The following EVL variants were observed in gnomAD, a reference collection of about 807,000 sequenced individuals.
EVL encodes Enah/Vasp-like, also known as ena/VASP-like protein.
A neutral mutation model predicts 59.6 loss-of-function variants in EVL; 21 were observed. That is an observed-to-expected ratio of 0.35 (90% CI 0.25 to 0.51). The LOEUF (loss-of-function observed/expected upper bound fraction) is 0.51, where lower values mean the gene tolerates loss of function less well. Among genes scored for constraint, EVL ranks in the 20% least tolerant of loss-of-function variants. The pLI, the probability that EVL is intolerant of heterozygous loss-of-function variation, is 0.97. For synonymous variants in EVL, 198 were observed against 203.5 expected (o/e 0.97, Z 0.23); for missense variants, 462 against 546.6 (o/e 0.85, Z 1.54).
At chr14:100,055,839 G>T (rs751573202) in intron 1 of EVL, among the ~76,000 whole-genome samples, 5 of 131,580 alleles carry the variant, frequency 3.8e-5, no homozygotes, top group Non-Finnish European at 6.3e-5. Flanking sequence ...TGGAGACGGA[G>T]TCTTGCTCTG....
chr14:100,025,876 C>T (rs548787393), intron 1 of EVL, among the ~76,000 whole-genome samples: 20 of 152,190 alleles, frequency 1.3e-4, no homozygotes, highest in African/African-American at 4.6e-4. Flanking sequence ...GCAGAGGTTA[C>T]GGTGAGCCGA....
chr14:100,006,012 C>G (rs1276843657), intron 1 of EVL, among the ~76,000 whole-genome samples: 2 of 121,722 alleles, frequency 1.6e-5, no homozygotes, highest in African/African-American at 3.3e-5. Flanking sequence ...GGCCATTTCC[C>G]CCCCCCCCCC....
chr14:100,073,922 A>T (rs972040229), intron 1 of EVL, among the ~76,000 whole-genome samples: 1 of 151,496 alleles, frequency 6.6e-6, no homozygotes, highest in Non-Finnish European at 1.5e-5. Flanking sequence ...TTCTGCAGAA[A>T]AGCTAAGCAG....
At chr14:100,064,851 G>A (rs188106133), upstream of EVL, among the ~76,000 whole-genome samples, 23 of 152,282 alleles carry the variant, frequency 1.5e-4, no homozygotes, top group South Asian at 1.2e-3. Flanking sequence ...CTGTGGTGGC[G>A]GTGAGCCAAG....
At chr14:100,119,123 C>T (rs1887535354) in intron 3 of EVL, among the ~76,000 whole-genome samples, 1 of 152,234 alleles carries the variant, frequency 6.6e-6, no homozygotes, top group Non-Finnish European at 1.5e-5. Flanking sequence ...GCCCAGCCAC[C>T]CTGCTCTTGT....
At position 100,123,569 on chromosome 14, in the gene EVL, G is replaced by A; in HGVS notation, c.389G>A (p.Gly130Asp). The A allele has an allele frequency of 6.2e-7, 1 of 1,614,136 alleles. No homozygotes were observed. Among genetic ancestry groups the A allele is most frequent in the Non-Finnish European group, 8.5e-7 (1 of 1,180,016 alleles). ...TCCAGCCAGCGTCAGGTGCAGAATG[G>A]CCCCTCTCCTGATGAGATGGACATC... ...GPSSQRQVQN[G>D]PSPDEMDIQR... The change falls in exon 4 of 14, where the codon GGC (glycine) becomes GAC (aspartate). Residue 130 changes from glycine (G) to aspartate (D), a missense_variant. Transcript: ENST00000392920.
intron 2 of EVL, among the ~76,000 whole-genome samples, chr14:100,085,912 G>C (rs534071953): frequency 3.5e-4 from 54 of 152,312 alleles, no homozygotes; most frequent in Middle Eastern, 3.4e-3. Flanking sequence ...TGGATTACAA[G>C]GTCAGGAGTT....
intron 1 of EVL, among the ~76,000 whole-genome samples, chr14:100,015,418 T>C (rs1292614506): frequency 6.6e-6 from 1 of 152,218 alleles, no homozygotes; most frequent in Non-Finnish European, 1.5e-5. Flanking sequence ...TGTTTGTTTC[T>C]CCGGAGAAGT....
intron 1 of EVL, chr14:100,019,661 G>A (rs2140199750): frequency 6.5e-7 from 1 of 1,533,308 alleles, no homozygotes; most frequent in East Asian, 2.5e-5. Flanking sequence ...TCTCTGACTA[G>A]GTCATGTTTG....
rs974845618 is a variant in EVL at position 99,988,402 on chromosome 14, A to G, written c.5+16345A>G. 3.3e-5 allele frequency among the ~76,000 whole-genome samples: 5 copies of G among 152,220 alleles called. 1 individual carries two copies. The highest frequency in any genetic ancestry group is 9.7e-5 in the African/African-American group (4 of 41,450). ...TGGTTTGAATAAAAAAGATAATAAC[A>G]AATGTTGGTGAGGATGAGGATAACC... On this transcript the variant is annotated intron_variant, in intron 1 of 13. Coordinates refer to the EVL transcript ENST00000402714.
intron 3 of EVL, among the ~76,000 whole-genome samples, chr14:100,110,200 C>T (rs1797796074): frequency 6.6e-6 from 1 of 152,152 alleles, no homozygotes; most frequent in Non-Finnish European, 1.5e-5. Flanking sequence ...TAGCAAGACC[C>T]TTGTCTCTAC....
intron 1 of EVL, among the ~76,000 whole-genome samples, chr14:100,020,305 TC>T (rs1048461065): frequency 6.6e-6 from 1 of 152,140 alleles, no homozygotes; most frequent in African/African-American, 2.4e-5. Flanking sequence ...TGAATCTTAC[TC>T]CCTCTCTTCT....
intron 3 of EVL, among the ~76,000 whole-genome samples, chr14:100,100,527 C>CA (rs1566693748): frequency 6.6e-6 from 1 of 152,090 alleles, no homozygotes; most frequent in African/African-American, 2.4e-5. Context: ...TAGTCAGCAC[C>CA]AAAAGGCCCT....
intron 1 of EVL, among the ~76,000 whole-genome samples, chr14:100,055,625 C>T (rs1192016137): frequency 6.6e-6 from 1 of 152,156 alleles, no homozygotes; most frequent in Non-Finnish European, 1.5e-5. Flanking sequence ...GATAATATCT[C>T]ATTGTTTTAC....
chr14:100,115,181 A>G (rs191768317), intron 3 of EVL, among the ~76,000 whole-genome samples: 1,710 of 146,610 alleles, frequency 0.012, 36 homozygotes, highest in African/African-American at 0.044. Context: ...TTAGGAAGAC[A>G]GAAAGAATAT....
intron 1 of EVL, among the ~76,000 whole-genome samples, chr14:100,033,391 A>T (rs1030096125): frequency 2.0e-5 from 3 of 152,194 alleles, no homozygotes; most frequent in Non-Finnish European, 4.4e-5. Context: ...TGGTTACATT[A>T]TTATTACCAT....
intron 2 of EVL, among the ~76,000 whole-genome samples, chr14:100,090,020 G>A (rs1776654361): frequency 1.3e-5 from 2 of 151,984 alleles, no homozygotes; most frequent in Non-Finnish European, 1.5e-5. Context: ...GAAAATCAGT[G>A]ATCTATGCCA....
intron 1 of EVL, among the ~76,000 whole-genome samples, chr14:100,058,156 T>G (rs1439299810): frequency 6.6e-6 from 1 of 152,256 alleles, no homozygotes; most frequent in African/African-American, 2.4e-5. Flanking sequence ...GTTTTTGAAC[T>G]AGATCTCCTA....
intron 1 of EVL, among the ~76,000 whole-genome samples, chr14:99,984,932 A>G (rs1224976882): frequency 1.3e-5 from 2 of 152,160 alleles, no homozygotes. Context: ...ATTATTAATT[A>G]AAGTCCAGCA....
Sources: gnomAD v4.1 joint callset for allele counts (sites outside exome capture counted in the v4.1 genomes callset) on GRCh38, gnomAD v4.1.1 for gene constraint, MANE v1.5 for transcripts, NCBI Gene and HGNC (gene_info 2026-07-23, HGNC 2026-07-21) for gene names.